The following LAMA1 variants were observed in gnomAD, a reference collection of about 807,000 sequenced individuals.
LAMA1 encodes the protein laminin subunit alpha 1, also known as laminin subunit alpha-1.
A neutral mutation model predicts 348.7 loss-of-function variants in LAMA1; 219 were observed. The ratio of observed to expected loss-of-function variants is 0.63; its 90% CI spans 0.56 to 0.70. The LOEUF is 0.70. Among genes scored for constraint, LAMA1 ranks in the 30% least tolerant of loss-of-function variants. LAMA1 has a pLI of 0.00. For synonymous variants in LAMA1, 1,487 were observed against 1,491.0 expected (o/e 1.00, Z 0.06); for missense variants, 3,744 against 3,888.0 (o/e 0.96, Z 0.99).
chr18:7,049,348 G>A lies in LAMA1; in HGVS notation c.589-91C>T, dbSNP rs567055972. 14 of 1,154,968 alleles carry A rather than the reference G, an allele frequency of 1.2e-5. No homozygotes were observed. The South Asian group carries it at 1.5e-4, about 13-fold the overall frequency. The allele number at this position is 1,154,968 out of a possible 1,614,324, so 71.5% of individuals were successfully genotyped here. On this transcript the variant is annotated intron_variant, in intron 4 of 62. Transcript: ENST00000389658. Reference sequence around the variant, plus strand: ...GGCGTCTCGCTCTTTGGTCCAGGCTGGAGTGCAGTGGCACAATCTTGGCTC... The same window carrying A: ...GGCGTCTCGCTCTTTGGTCCAGGCTAGAGTGCAGTGGCACAATCTTGGCTC...
At chr18:7,059,925 T>C (rs1385650279) in intron 3 of LAMA1, among the ~76,000 whole-genome samples, 2 of 152,242 alleles carry the variant, frequency 1.3e-5, no homozygotes, top group African/African-American at 4.8e-5. Flanking sequence ...GTGAGATTTA[T>C]GTCTCATGAA....
chr18:6,989,474 A>G (rs936516692), intron 36 of LAMA1, among the ~76,000 whole-genome samples: 2 of 152,202 alleles, frequency 1.3e-5, no homozygotes, highest in African/African-American at 4.8e-5. Context: ...CCAATGTTTT[A>G]AGAATTATAA....
chr18:7,001,791 A>G (rs930266948), intron 30 of LAMA1, among the ~76,000 whole-genome samples: 8 of 152,344 alleles, frequency 5.3e-5, no homozygotes, highest in African/African-American at 1.4e-4. Context: ...CTGTACAAGC[A>G]TCATAAGTAC....
chr18:6,966,261 C>G lies in LAMA1; in HGVS notation c.6936G>C (p.Gly2312=), dbSNP rs1450683691. Residue 2312 remains glycine, a synonymous_variant, in exon 49 of 63, where the codon GGG becomes GGC. Coordinates refer to ENST00000389658, the MANE Select transcript of LAMA1 (RefSeq NM_005559.4). ...QNEDPSFHFD[G]SGYSVVEKSL... The stretch of plus-strand genomic sequence containing the variant: ...ACTTCTCCACGACAGAGTACCCACT[C>G]CCGTCAAAATGGAAGGAAGGGTCTT... 6.2e-7 allele frequency: 1 copy of G among 1,613,888 alleles called. No individual in the cohort carries two copies. The highest frequency in any genetic ancestry group is 1.1e-5 in the South Asian group (1 of 90,954).
At chr18:7,053,648 G>A (rs1202289530) in intron 3 of LAMA1, among the ~76,000 whole-genome samples, 3 of 152,186 alleles carry the variant, frequency 2.0e-5, no homozygotes, top group Non-Finnish European at 4.4e-5. Context: ...TAGATATCTA[G>A]CCCAAAATCT....
In LAMA1 at chr18:7,025,855, A is replaced by G. The variant is rs141547885; in HGVS notation, c.2402+124T>C. 2.2e-5 allele frequency: 30 copies of G among 1,382,600 alleles called. No homozygotes were observed. The East Asian group carries it at 5.5e-4, about 25-fold the overall frequency. 85.6% of individuals were successfully genotyped at this position (1,382,600 alleles called of 1,614,324 possible). A position where few individuals can be genotyped will look rare whatever the true frequency, so the allele number is the denominator to read the frequency against. ...ACCCCTCTGTCTTTAATCCAAATCA[A>G]TTGTCACTGGGCAAAATTCACACAC... On this transcript the variant is annotated intron_variant, in intron 17 of 62. Transcript: ENST00000389658.
Position 7,117,679 on chromosome 18 carries a change from G to T in LAMA1, c.42C>A (p.Ala14=). 1 of 1,598,946 alleles carries T rather than the reference G, an allele frequency of 6.3e-7. No individual in the cohort carries two copies. ...GVLLVLLLCV[A]AQCRQRGLFP... Reference sequence around the variant, plus strand: ...GCTCACCTCTCTGCCGGCACTGCGCGGCGACACACAGCAGCAAGACCAGGA... The same window carrying T: ...GCTCACCTCTCTGCCGGCACTGCGCTGCGACACACAGCAGCAAGACCAGGA... Residue 14 remains alanine, a synonymous_variant, in exon 1 of 63, where the codon GCC becomes GCA. Transcript: ENST00000389658.
Position 7,033,086 on chromosome 18 carries a change from G to A in LAMA1, c.2061C>T (p.Ser687=), listed in dbSNP as rs533889194. ...SAKMALYRLE[S]VSLDIASSNA... is the part of the protein sequence containing the mutation. ...TAGAGCTGGCTATGTCCAGAGAGACGGACTCCAACCTACAAATAGACAGAT... is the reference window on the plus strand; with the variant it reads ...TAGAGCTGGCTATGTCCAGAGAGACAGACTCCAACCTACAAATAGACAGAT... The change falls in exon 15 of 63, where the codon TCC becomes TCT. Residue 687 remains serine, a synonymous_variant. Coordinates refer to ENST00000389658, the MANE Select transcript of LAMA1 (RefSeq NM_005559.4). The A allele has an allele frequency of 3.7e-6, 6 of 1,608,188 alleles. No homozygotes were observed. The highest frequency in any genetic ancestry group is 1.7e-4 in the Middle Eastern group (1 of 6,056).
intron 14 of LAMA1, among the ~76,000 whole-genome samples, chr18:7,033,987 C>T (rs1331257656): frequency 2.0e-5 from 3 of 152,214 alleles, no homozygotes; most frequent in Non-Finnish European, 1.5e-5. Context: ...CCACCTGCCT[C>T]GGCCTCCCAA....
At chr18:7,023,475 T>C in intron 18 of LAMA1, 100 bp from the exon 19 acceptor site, 1 of 958,902 alleles carries the variant, frequency 1.0e-6, no homozygotes, top group Non-Finnish European at 1.7e-6. Context: ...TCAGACGGAC[T>C]CTGTTCCCTG....
chr18:7,012,173 T>C (rs1293173177), intron 23 of LAMA1, 35 bp from the exon 24 acceptor site: 7 of 1,608,608 alleles, frequency 4.4e-6, no homozygotes, highest in Non-Finnish European at 5.1e-6. Flanking sequence ...CGTTTTTGCC[T>C]AAAAAAGAGA....
intron 6 of LAMA1, 130 bp from the exon 7 acceptor site, chr18:7,044,969 C>T: frequency 1.3e-6 from 1 of 766,210 alleles, no homozygotes; most frequent in Non-Finnish European, 2.3e-6. Context: ...TGATTATCAT[C>T]AAAGCAAACT....
intron 33 of LAMA1, among the ~76,000 whole-genome samples, chr18:6,997,370 T>C (rs2057786653): frequency 6.6e-6 from 1 of 152,188 alleles, no homozygotes; most frequent in Non-Finnish European, 1.5e-5. Context: ...GTGCCTGGCC[T>C]ATTTTCTGCT....
At chr18:6,986,430 C>A (rs567412109) in intron 36 of LAMA1, 83 bp from the exon 37 acceptor site, 3 of 1,212,092 alleles carry the variant, frequency 2.5e-6, no homozygotes, top group Non-Finnish European at 3.6e-6. Context: ...AAAATTTTTA[C>A]GTATTTATGC....
rs142687012 is a variant in LAMA1, at chr18:7,002,329, G to A, written c.4317C>T (p.Tyr1439=). The A allele has an allele frequency of 1.2e-5, 19 of 1,613,598 alleles. No homozygotes were observed. Among genetic ancestry groups the A allele is most frequent in the East Asian group, 4.5e-5 (2 of 44,888 alleles). Residue 1439 remains tyrosine (Y), a synonymous_variant, in exon 30 of 63, where the codon TAC becomes TAT. Coordinates refer to ENST00000389658, the MANE Select transcript of LAMA1 (RefSeq NM_005559.4). ...DHCDVCTSGY[Y]GKVTGSASDC... ...CACTTGCTGAGCCAGTCACCTTCCC[G>A]TAGTAGCCAGAAGTACACACATCAC... is the stretch of plus-strand genomic sequence containing the variant.
rs558945416 is a variant in LAMA1, at chr18:6,983,687, C to T, written c.5661-453G>A. Among the ~76,000 whole-genome samples the T allele has an allele frequency of 7.9e-5, 12 of 152,288 alleles. No homozygotes were observed. The East Asian group carries it at 1.4e-3, about 17-fold the overall frequency. On this transcript the variant is annotated intron_variant, in intron 39 of 62. Coordinates refer to ENST00000389658, the MANE Select transcript of LAMA1 (RefSeq NM_005559.4). ...TGAATCTTATCCCTCTAATGGCATA[C>T]GACAATTTTACAAAATTCACTAGAG...
chr18:7,054,949 C>T (rs892797413), intron 3 of LAMA1, among the ~76,000 whole-genome samples: 1 of 152,056 alleles, frequency 6.6e-6, no homozygotes, highest in Non-Finnish European at 1.5e-5. Flanking sequence ...ACAATACATA[C>T]AACACATAAA....
At chr18:7,055,904 A>AC (rs1376003862) in intron 3 of LAMA1, among the ~76,000 whole-genome samples, 10 of 151,110 alleles carry the variant, frequency 6.6e-5, no homozygotes, top group African/African-American at 2.4e-4. Flanking sequence ...ACACAGTGAA[A>AC]CCCCGTCTCC....
At chr18:6,950,584 C>G (rs1467296732) in intron 58 of LAMA1, among the ~76,000 whole-genome samples, 198 bp downstream of exon 58, 1 of 152,218 alleles carries the variant, frequency 6.6e-6, no homozygotes. Flanking sequence ...ACGTCAGGTA[C>G]TAAGCAAGGC....
Sources: allele counts gnomAD v4.1 joint callset (sites outside exome capture counted in the v4.1 genomes callset), GRCh38; gene constraint gnomAD v4.1.1; transcripts MANE v1.5; gene names NCBI Gene and HGNC (gene_info 2026-07-23, HGNC 2026-07-21).